The following ARHGAP24 variants were observed in gnomAD, a reference collection of about 807,000 sequenced individuals.
ARHGAP24 encodes Rho GTPase activating protein 24.
A neutral mutation model predicts 76.4 loss-of-function variants in ARHGAP24; 50 were observed. The observed-to-expected ratio is 0.65, with a 90% CI of 0.52 to 0.83. The LOEUF is 0.83. Ranked by LOEUF, ARHGAP24 falls within the 40% of genes least tolerant of loss-of-function variation. The pLI is 0.00. For missense variants in ARHGAP24, 930 were observed against 914.2 expected (o/e 1.02, Z -0.22); for synonymous variants, 345 against 323.3 (o/e 1.07, Z -0.72).
chr4:85,562,888 G>C lies in ARHGAP24; in HGVS notation c.-20-7634G>C, dbSNP rs79613777. Among the ~76,000 whole-genome samples the C allele has an allele frequency of 3.9e-5, 6 of 152,316 alleles. No homozygotes were observed. The East Asian group carries it at 1.2e-3, about 29-fold the overall frequency. Reference sequence around the variant, plus strand: ...TGTTGAACTATCATTGTTACCGTAGGTGAGGTTAGGAAGGGTAGTGAGGGT... The same window carrying C: ...TGTTGAACTATCATTGTTACCGTAGCTGAGGTTAGGAAGGGTAGTGAGGGT... On this transcript the variant is annotated intron_variant, in intron 1 of 9. Coordinates refer to ENST00000395184, the MANE Select transcript of ARHGAP24 (RefSeq NM_001025616.3).
chr4:85,909,546 G>A (rs1028374309), intron 3 of ARHGAP24, among the ~76,000 whole-genome samples: 2 of 152,092 alleles, frequency 1.3e-5, no homozygotes, highest in East Asian at 1.9e-4. Flanking sequence ...ATTTAGGTTG[G>A]TAATTACATA....
intron 1 of ARHGAP24, among the ~76,000 whole-genome samples, chr4:85,541,374 T>G (rs13127247): frequency 7.5e-6 from 1 of 133,536 alleles, no homozygotes; most frequent in Non-Finnish European, 1.5e-5. Context: ...GGGATGGTCT[T>G]GATCTCCTGA....
At chr4:85,997,606 T>C (rs1740755706) in intron 9 of ARHGAP24, among the ~76,000 whole-genome samples, 1 of 150,926 alleles carries the variant, frequency 6.6e-6, no homozygotes, top group East Asian at 1.9e-4. Flanking sequence ...GAAACATATA[T>C]TCTTTTTCCC....
chr4:85,776,847 C>T (rs1457079537), intron 3 of ARHGAP24, among the ~76,000 whole-genome samples: 2 of 152,122 alleles, frequency 1.3e-5, no homozygotes, highest in Non-Finnish European at 2.9e-5. Context: ...CTCATATTTC[C>T]TTCCTGCTCT....
intron 2 of ARHGAP24, among the ~76,000 whole-genome samples, chr4:85,585,095 G>T (rs1052632401): frequency 6.6e-6 from 1 of 152,046 alleles, no homozygotes; most frequent in Non-Finnish European, 1.5e-5. Context: ...AGCTCTATGG[G>T]CATTTGCAGG....
chr4:85,903,629 T>C (rs1254760175), intron 3 of ARHGAP24, among the ~76,000 whole-genome samples: 1 of 152,128 alleles, frequency 6.6e-6, no homozygotes, highest in East Asian at 1.9e-4. Flanking sequence ...AAAAAGGATA[T>C]TTAAAACACT....
chr4:85,971,155 A>C (rs1258126246), intron 5 of ARHGAP24, among the ~76,000 whole-genome samples: 1 of 152,150 alleles, frequency 6.6e-6, no homozygotes, highest in Non-Finnish European at 1.5e-5. Context: ...AGAATCAATT[A>C]TTTTCAAAAT....
chr4:85,592,030 T>G (rs557654859), intron 2 of ARHGAP24, among the ~76,000 whole-genome samples: 1 of 152,306 alleles, frequency 6.6e-6, no homozygotes, highest in African/African-American at 2.4e-5. Flanking sequence ...CTCTATAATC[T>G]GACCCGTGAC....
intron 3 of ARHGAP24, among the ~76,000 whole-genome samples, chr4:85,769,146 A>T (rs1727036755): frequency 6.6e-6 from 1 of 152,240 alleles, no homozygotes; most frequent in Admixed American, 6.5e-5. Context: ...TGAATACTTG[A>T]TAAAAAGAGG....
intron 1 of ARHGAP24, among the ~76,000 whole-genome samples, chr4:85,545,235 G>T (rs1426942037): frequency 1.3e-5 from 2 of 152,026 alleles, no homozygotes; most frequent in Non-Finnish European, 2.9e-5. Flanking sequence ...GAGTAGCTGG[G>T]ATTACAGGCA....
chr4:85,499,391 A>G (rs570929985), intron 1 of ARHGAP24, among the ~76,000 whole-genome samples: 1 of 152,332 alleles, frequency 6.6e-6, no homozygotes, highest in East Asian at 1.9e-4. Flanking sequence ...AGCATATACT[A>G]TCACTAGCAA....
chr4:85,642,179 A>C (rs1721549453), intron 2 of ARHGAP24, among the ~76,000 whole-genome samples: 1 of 152,142 alleles, frequency 6.6e-6, no homozygotes, highest in African/African-American at 2.4e-5. Flanking sequence ...TTGGAAAGAA[A>C]AAGAGCAGGT....
chr4:85,623,800 C>T (rs1720814989), intron 2 of ARHGAP24, among the ~76,000 whole-genome samples: 2 of 151,434 alleles, frequency 1.3e-5, no homozygotes, highest in Non-Finnish European at 2.9e-5. Context: ...TTGAAGAGGT[C>T]CTTCACATCC....
chr4:85,617,817 TAA>T (rs1290323365), intron 2 of ARHGAP24, among the ~76,000 whole-genome samples: 1 of 152,028 alleles, frequency 6.6e-6, no homozygotes, highest in Non-Finnish European at 1.5e-5. Flanking sequence ...TGGCAATGTA[TAA>T]GAGTATCTTT....
chr4:85,812,512 G>A (rs545199176), intron 3 of ARHGAP24, among the ~76,000 whole-genome samples: 32 of 151,682 alleles, frequency 2.1e-4, no homozygotes, highest in African/African-American at 7.5e-4. Flanking sequence ...CTAACCCAGA[G>A]TTTTTTGCCT....
intron 3 of ARHGAP24, among the ~76,000 whole-genome samples, chr4:85,799,150 T>C (rs893066380): frequency 1.3e-5 from 2 of 152,110 alleles, no homozygotes; most frequent in Non-Finnish European, 2.9e-5. Context: ...CTGCAAAGTG[T>C]GAGGCCCCAG....
intron 3 of ARHGAP24, among the ~76,000 whole-genome samples, chr4:85,789,769 T>G (rs1457816230): frequency 6.6e-6 from 1 of 152,174 alleles, no homozygotes; most frequent in Non-Finnish European, 1.5e-5. Flanking sequence ...TGCTGGAGAT[T>G]ATGATTGCCT....
intron 2 of ARHGAP24, among the ~76,000 whole-genome samples, chr4:85,646,700 C>T (rs1323549999): frequency 6.6e-6 from 1 of 151,840 alleles, no homozygotes; most frequent in Non-Finnish European, 1.5e-5. Flanking sequence ...ATTTATTTGC[C>T]TTCTACATGT....
At chr4:85,986,824 C>G (rs908648193) in intron 8 of ARHGAP24, among the ~76,000 whole-genome samples, 2 of 152,050 alleles carry the variant, frequency 1.3e-5, no homozygotes, top group Non-Finnish European at 2.9e-5. Context: ...AGTGCAAAGT[C>G]CTGATAATGA....
Sources: gnomAD v4.1 joint callset for allele counts (sites outside exome capture counted in the v4.1 genomes callset) on GRCh38, gnomAD v4.1.1 for gene constraint, MANE v1.5 for transcripts, NCBI Gene and HGNC (gene_info 2026-07-23, HGNC 2026-07-21) for gene names.